NDST1: variants seen among roughly 807,000 people sequenced by gnomAD.
NDST1 encodes N-deacetylase and N-sulfotransferase 1, also known as bifunctional heparan sulfate N-deacetylase/N-sulfotransferase 1.
Under a neutral mutation model 92.8 loss-of-function variants are expected in NDST1, and 35 were observed. The ratio of observed to expected loss-of-function variants is 0.38; its 90% CI spans 0.29 to 0.50. The LOEUF is 0.50. NDST1 is among the 20% of genes least tolerant of loss of function. The probability of loss-of-function intolerance (pLI) is 0.94; values close to 1 mark genes in which losing one functional copy is unlikely to be tolerated. For synonymous variants in NDST1, 493 were observed against 500.3 expected (o/e 0.99, Z 0.19); for missense variants, 822 against 1,182.7 (o/e 0.69, Z 4.47).
At chr5:150,504,927 A>T (rs1753382177), upstream of NDST1, among the ~76,000 whole-genome samples, 1 of 152,128 alleles carries the variant, frequency 6.6e-6, no homozygotes, top group Non-Finnish European at 1.5e-5. Flanking sequence ...GAGGCAGAGG[A>T]TGTGGGCTCC....
chr5:150,510,027 A>G (rs1281215106), intron 1 of NDST1, among the ~76,000 whole-genome samples: 1 of 138,336 alleles, frequency 7.2e-6, no homozygotes, highest in Non-Finnish European at 1.6e-5. Context: ...TGGTGTGGAA[A>G]GTAGGACTGC....
At chr5:150,523,425 G>A (rs748980880) in intron 2 of NDST1, among the ~76,000 whole-genome samples, 1 of 152,204 alleles carries the variant, frequency 6.6e-6, no homozygotes, top group Non-Finnish European at 1.5e-5. Flanking sequence ...GTCTACATGC[G>A]TTGTGCAGAT....
Position 150,557,798 on chromosome 5 carries a change from G to A in NDST1, c.*4466G>A, listed in dbSNP as rs971054226. ...CTAAGGGACTGGCATAGGGTTTTGT[G>A]GGGTCAATGCCAGGAACCTGGGGGA... On this transcript the variant is annotated 3_prime_UTR_variant, in exon 15 of 15. Transcript: ENST00000261797. This position sits in a 1 kb window ranked among gnomAD's most constrained non-coding sequence, Gnocchi z 4.7. The A allele has an allele frequency of 1.3e-5, 2 of 152,640 alleles. No homozygotes were observed. Among genetic ancestry groups the A allele is most frequent in the African/African-American group, 4.8e-5 (2 of 41,422 alleles). The allele number at this position is 152,640 out of a possible 1,614,324, so 9.5% of individuals were successfully genotyped here. A position where few individuals can be genotyped will look rare whatever the true frequency, so the allele number is the denominator to read the frequency against.
At chr5:150,500,065 A>C (rs1382230006) in intron 1 of NDST1, among the ~76,000 whole-genome samples, 1 of 152,176 alleles carries the variant, frequency 6.6e-6, no homozygotes, top group African/African-American at 2.4e-5. Flanking sequence ...CTGTCCCGTC[A>C]AGGTTTATTT....
chr5:150,539,496 G>T, intron 7 of NDST1, 140 bp downstream of exon 7: 1 of 1,573,698 alleles, frequency 6.4e-7, no homozygotes, highest in South Asian at 1.1e-5. Flanking sequence ...CCACTCTCCA[G>T]CACTGGCCCT....
rs1561605767 is a variant in NDST1 at position 150,542,958 on chromosome 5, A to G, written c.1957A>G (p.Lys653Glu). 4.3e-6 allele frequency: 7 copies of G among 1,613,936 alleles called. No homozygotes were observed. In the South Asian group the frequency reaches 4.4e-5, roughly 10 times the overall value. The change falls in exon 10 of 15, where the codon AAA becomes GAA. Residue 653 changes from lysine (K) to glutamate (E), a missense_variant. Lys to Glu is a moderately conservative substitution (Grantham distance 56, BLOSUM62 1). Coordinates refer to ENST00000261797, the MANE Select transcript of NDST1 (RefSeq NM_001543.5). ...IQFFNGHNYH[K>E]GIDWYMEFFP... ...GTTTTTTAATGGCCACAACTATCAC[A>G]AAGGCATCGACTGGTGAGTTGGCCT...
intron 1 of NDST1, among the ~76,000 whole-genome samples, chr5:150,519,240 C>T (rs1440945338): frequency 1.3e-5 from 2 of 152,216 alleles, no homozygotes; most frequent in African/African-American, 2.4e-5. Context: ...GCATGCTGTA[C>T]CCATGCTGAG....
intron 9 of NDST1, 88 bp from the exon 10 acceptor site, chr5:150,542,760 G>A: frequency 1.9e-6 from 3 of 1,553,284 alleles, no homozygotes; most frequent in South Asian, 1.1e-5. Context: ...AGCCCCCAGT[G>A]GGTCGTGGGG....
chr5:150,533,465 T>C (rs752573611), intron 4 of NDST1, among the ~76,000 whole-genome samples: 12 of 152,256 alleles, frequency 7.9e-5, no homozygotes, highest in African/African-American at 2.9e-4. Flanking sequence ...GGGTTTATTT[T>C]AGAGTCCTAA....
upstream of NDST1, among the ~76,000 whole-genome samples, chr5:150,503,363 A>G (rs1013059220): frequency 3.9e-5 from 6 of 152,188 alleles, no homozygotes; most frequent in African/African-American, 1.4e-4. Context: ...AATCATTTGT[A>G]CCTGGGAGGT....
chr5:150,540,324 C>T (rs1021626874), intron 8 of NDST1, 60 bp downstream of exon 8: 28 of 1,515,376 alleles, frequency 1.8e-5, no homozygotes, highest in African/African-American at 2.7e-5. Context: ...CACTCACAGG[C>T]ACACACTCCA....
At position 150,521,614 on chromosome 5, in the gene NDST1, T is replaced by C. The variant is rs1394644859; in HGVS notation, c.360T>C (p.Gly120=). 6 of 1,613,858 alleles carry C rather than the reference T, an allele frequency of 3.7e-6. No individual in the cohort carries two copies. The highest frequency in any genetic ancestry group is 1.7e-5 in the Admixed American group (1 of 60,010). ...KYRTEIAPGK[G]DMPTLTDKGR... is the part of the protein sequence containing the mutation. ...GCACAGAGATTGCGCCGGGCAAGGG[T>C]GACATGCCCACGCTCACTGACAAGG... Residue 120 remains glycine, a synonymous_variant, in exon 2 of 15, where the codon GGT becomes GGC. Coordinates refer to ENST00000261797, the MANE Select transcript of NDST1 (RefSeq NM_001543.5). This position sits in a 1 kb window ranked among gnomAD's most constrained non-coding sequence, Gnocchi z 5.9.
rs2151308012 is a variant in NDST1, at chr5:150,553,759, G to C, written c.*427G>C. On this transcript the variant is annotated 3_prime_UTR_variant, in exon 15 of 15. Transcript: ENST00000261797. The surrounding 1 kb of genome is among the most constrained non-coding windows in gnomAD (Gnocchi z 4.2). Reference sequence around the variant, plus strand: ...TGTAGGGGAGGAGAGCCTGGCCGGGGGAGACAGACTGGACATTTCCCTGTT... The same window carrying C: ...TGTAGGGGAGGAGAGCCTGGCCGGGCGAGACAGACTGGACATTTCCCTGTT... 2.3e-6 allele frequency: 1 copy of C among 425,816 alleles called. No homozygotes were observed. 26.4% of individuals were successfully genotyped at this position (425,816 alleles called of 1,614,324 possible).
upstream of NDST1, among the ~76,000 whole-genome samples, chr5:150,505,060 A>C (rs1008007003): frequency 1.2e-4 from 18 of 152,352 alleles, no homozygotes; most frequent in African/African-American, 4.1e-4. Context: ...TAAAGTTGGC[A>C]TGTGATACCG....
Position 150,551,871 on chromosome 5 carries a change from A to G in NDST1, c.2529+16A>G, listed in dbSNP as rs1212114474. ...GGACTTGGATGTAAGTGGTGGACACACTACCTGTAGCACCTGCATAAGGGT... is the reference window on the plus strand; with the variant it reads ...GGACTTGGATGTAAGTGGTGGACACGCTACCTGTAGCACCTGCATAAGGGT... On this transcript the variant is annotated intron_variant, in intron 14 of 14. Coordinates refer to ENST00000261797, the MANE Select transcript of NDST1 (RefSeq NM_001543.5). 6.2e-7 allele frequency: 1 copy of G among 1,611,846 alleles called. No homozygotes were observed. The highest frequency in any genetic ancestry group is 1.3e-5 in the African/African-American group (1 of 74,892).
rs138889348 is a variant in NDST1 at position 150,545,461 on chromosome 5, C to A, written c.2120C>A (p.Ala707Glu). 6.2e-7 allele frequency: 1 copy of A among 1,614,256 alleles called. No homozygotes were observed. The stretch of plus-strand genomic sequence containing the variant: ...GTCCTGACCATCCTCATCAACCCCG[C>A]GGACCGGGCCTATTCCTGGTACCAG... ...AKVLTILINP[A>E]DRAYSWYQHQ... The change falls in exon 11 of 15, where the codon GCG (alanine) becomes GAG (glutamate). Residue 707 changes from alanine (A) to glutamate (E), a missense_variant. Transcript: ENST00000261797.
chr5:150,535,149 C>T, intron 5 of NDST1, 128 bp downstream of exon 5: 3 of 1,400,476 alleles, frequency 2.1e-6, no homozygotes. Flanking sequence ...TGGGCCAGGG[C>T]CAAGGGAGAG....
chr5:150,540,345 C>G, intron 8 of NDST1, 81 bp downstream of exon 8: 1 of 1,422,058 alleles, frequency 7.0e-7, no homozygotes. Flanking sequence ...GATATGGACT[C>G]AAGGCTCAGC....
At chr5:150,552,809 G>A (rs559872222) in intron 14 of NDST1, among the ~76,000 whole-genome samples, 96 of 152,248 alleles carry the variant, frequency 6.3e-4, no homozygotes, top group South Asian at 1.9e-3. Flanking sequence ...AATAAGAGGT[G>A]TATGGGGGGT....
Sources: allele counts gnomAD v4.1 joint callset (sites outside exome capture counted in the v4.1 genomes callset), GRCh38; gene constraint gnomAD v4.1.1; non-coding constraint Gnocchi (gnomAD v3.1); transcripts MANE v1.5; gene names NCBI Gene and HGNC (gene_info 2026-07-23, HGNC 2026-07-21).